Variants in UGGT2 observed in about 807,000 individuals in gnomAD.
The protein encoded by UGGT2 is UDP-glucose glycoprotein glucosyltransferase 2.
A neutral mutation model predicts 192.1 loss-of-function variants in UGGT2; 180 were observed. That is an observed-to-expected ratio of 0.94 (90% CI 0.83 to 1.06). The LOEUF is 1.06. UGGT2 is among the 50% of genes least tolerant of loss of function. The pLI, the probability that UGGT2 is intolerant of heterozygous loss-of-function variation, is 0.00. For synonymous variants in UGGT2, 580 were observed against 591.0 expected (o/e 0.98, Z 0.27); for missense variants, 1,849 against 1,795.7 (o/e 1.03, Z -0.54).
intron 17 of UGGT2, among the ~76,000 whole-genome samples, chr13:95,928,773 C>T (rs2049135715): frequency 6.6e-6 from 1 of 152,068 alleles, no homozygotes; most frequent in Non-Finnish European, 1.5e-5. Flanking sequence ...CAGAGATGCT[C>T]CTCACTTCCT....
intron 1 of UGGT2, among the ~76,000 whole-genome samples, chr13:96,037,820 A>G (rs1044057632): frequency 6.6e-6 from 1 of 152,178 alleles, no homozygotes; most frequent in Non-Finnish European, 1.5e-5. Context: ...TTTTCCTACA[A>G]TTTTAAGAGA....
At chr13:95,891,095 C>A in intron 24 of UGGT2, 131 bp from the exon 25 acceptor site, 1 of 598,570 alleles carries the variant, frequency 1.7e-6, no homozygotes, top group East Asian at 3.0e-5. Context: ...GGTTATTTCA[C>A]ACAATGCTTG....
intron 36 of UGGT2, among the ~76,000 whole-genome samples, chr13:95,844,162 A>G (rs1050197792): frequency 4.6e-5 from 7 of 151,964 alleles, no homozygotes; most frequent in African/African-American, 1.7e-4. Flanking sequence ...GAGTTTCACC[A>G]TGTTGGCCAG....
rs1427272832 is a variant in UGGT2, at chr13:95,856,228, T to C, written c.3938A>G (p.Tyr1313Cys). 1 of 1,613,634 alleles carries C rather than the reference T, an allele frequency of 6.2e-7. No individual in the cohort carries two copies. Among genetic ancestry groups the C allele is most frequent in the Non-Finnish European group, 8.5e-7 (1 of 1,179,784 alleles). The change falls in exon 34 of 39, where the codon TAC (tyrosine) becomes TGC (cysteine). Residue 1313 changes from tyrosine (Y) to cysteine (C), a missense_variant. Tyr to Cys is a radical substitution (Grantham distance 194). Coordinates refer to ENST00000376747, the MANE Select transcript of UGGT2 (RefSeq NM_020121.4). ...QTERQRIIWGYKILFLDVLFP... is the reference protein window; with the variant it reads ...QTERQRIIWGCKILFLDVLFP... ...AAGAACATCAAGGAAAAGAATTTTG[T>C]AACCCCAAATAATCCTCTGTCTTTC... is the stretch of plus-strand genomic sequence containing the variant.
At chr13:96,052,908 C>T (rs766783456) in intron 1 of UGGT2, among the ~76,000 whole-genome samples, 9 of 152,190 alleles carry the variant, frequency 5.9e-5, no homozygotes, top group Non-Finnish European at 1.0e-4. Flanking sequence ...TAAAGCAGGG[C>T]AGGGAAGCTT....
At chr13:95,950,475 T>C (rs1441108339) in intron 12 of UGGT2, among the ~76,000 whole-genome samples, 3 of 150,946 alleles carry the variant, frequency 2.0e-5, no homozygotes, top group Non-Finnish European at 4.4e-5. Context: ...CATCTGGCAC[T>C]GAGGATACCA....
intron 4 of UGGT2, among the ~76,000 whole-genome samples, chr13:96,015,083 C>T (rs1340375017): frequency 2.6e-5 from 4 of 151,882 alleles, no homozygotes; most frequent in Admixed American, 1.3e-4. Context: ...TCGAGACCAT[C>T]CTGGCTAACA....
At chr13:95,990,755 G>C (rs1594523230) in intron 7 of UGGT2, 1 of 151,890 alleles carries the variant, frequency 6.6e-6, no homozygotes, top group African/African-American at 2.4e-5. Context: ...TTTAAGTTCT[G>C]GGATACATGT....
intron 6 of UGGT2, 71 bp downstream of exon 6, chr13:95,999,140 T>G: frequency 8.0e-7 from 1 of 1,254,296 alleles, no homozygotes; most frequent in Non-Finnish European, 1.2e-6. Flanking sequence ...CTCATTAAAT[T>G]TTTAAAAAAC....
At chr13:96,027,567 AT>A (rs2052706968) in intron 2 of UGGT2, among the ~76,000 whole-genome samples, 1 of 152,202 alleles carries the variant, frequency 6.6e-6, no homozygotes, top group Non-Finnish European at 1.5e-5. Flanking sequence ...ATTAAAAAAA[AT>A]AAGTGGCAGC....
At chr13:96,049,600 C>A (rs930615328) in intron 1 of UGGT2, among the ~76,000 whole-genome samples, 1 of 152,170 alleles carries the variant, frequency 6.6e-6, no homozygotes, top group African/African-American at 2.4e-5. Flanking sequence ...AGCCCAAAAT[C>A]TCCTTAAGCT....
chr13:95,988,977 C>CATAACTCTGTAATA (rs2051375615), intron 8 of UGGT2, among the ~76,000 whole-genome samples: 1 of 151,976 alleles, frequency 6.6e-6, no homozygotes, highest in Non-Finnish European at 1.5e-5. Flanking sequence ...GTGAGAGTGG[C>CATAACTCTGTAATA]CTGTAAATAT....
In UGGT2 at chr13:95,877,298, C is replaced by T; in HGVS notation, c.3454G>A (p.Asp1152Asn). 1.9e-6 allele frequency: 3 copies of T among 1,601,006 alleles called. No individual in the cohort carries two copies. Among genetic ancestry groups the T allele is most frequent in the Non-Finnish European group, 2.6e-6 (3 of 1,175,182 alleles). Residue 1152 changes from aspartate (D) to asparagine (N), a missense_variant, in exon 29 of 39, where the codon GAT becomes AAT. Physicochemically the swap from Asp to Asn is conservative, Grantham distance 23. Coordinates refer to ENST00000376747, the MANE Select transcript of UGGT2 (RefSeq NM_020121.4). ...ILRLHQGKSE[D>N]IYQIVGHEGT... ...ACTCACCCAACTATTTGATAAATAT[C>T]TTCAGATTTTCCTTGGTGTAACCTC...
intron 27 of UGGT2, among the ~76,000 whole-genome samples, chr13:95,882,963 C>T (rs2047535704): frequency 6.6e-6 from 1 of 151,962 alleles, no homozygotes; most frequent in African/African-American, 2.4e-5. Flanking sequence ...GAAAAAACAG[C>T]GATTTTTTTT....
intron 7 of UGGT2, among the ~76,000 whole-genome samples, chr13:95,992,349 T>C (rs2051484487): frequency 6.6e-6 from 1 of 152,246 alleles, no homozygotes; most frequent in Non-Finnish European, 1.5e-5. Context: ...CATTTGTTTG[T>C]GTCAGCTATG....
At chr13:95,810,213 T>C (rs1392375528) in intron 38 of UGGT2, among the ~76,000 whole-genome samples, 1 of 152,144 alleles carries the variant, frequency 6.6e-6, no homozygotes, top group African/African-American at 2.4e-5. Context: ...ATGACTTCAT[T>C]TGGGTCCCAT....
At chr13:95,894,097 G>C (rs1171579277) in intron 24 of UGGT2, among the ~76,000 whole-genome samples, 1 of 152,092 alleles carries the variant, frequency 6.6e-6, no homozygotes. Flanking sequence ...GGCAGCAGCC[G>C]GGCCTACAAC....
intron 31 of UGGT2, among the ~76,000 whole-genome samples, chr13:95,861,397 G>C (rs1175890694): frequency 6.6e-6 from 1 of 151,994 alleles, no homozygotes; most frequent in Admixed American, 6.6e-5. Flanking sequence ...CACCACGCAG[G>C]GTATGGAGTA....
intron 1 of UGGT2, among the ~76,000 whole-genome samples, chr13:96,052,532 T>A (rs747007794): frequency 6.6e-6 from 1 of 152,182 alleles, no homozygotes; most frequent in South Asian, 2.1e-4. Flanking sequence ...ATGGAGTCTC[T>A]TTTTAGGGAC....
Sources: allele counts gnomAD v4.1 joint callset (sites outside exome capture counted in the v4.1 genomes callset), GRCh38; gene constraint gnomAD v4.1.1; transcripts MANE v1.5; gene names NCBI Gene and HGNC (gene_info 2026-07-23, HGNC 2026-07-21).